SLC25A21: variants seen among roughly 807,000 people sequenced by gnomAD.
SLC25A21 encodes the protein mitochondrial 2-oxodicarboxylate carrier.
A neutral mutation model predicts 43.8 loss-of-function variants in SLC25A21; 47 were observed. That is an observed-to-expected ratio of 1.07 (90% CI 0.85 to 1.37). SLC25A21 has a LOEUF of 1.37. Ranked by LOEUF, SLC25A21 falls within the 40% of genes most tolerant of loss-of-function variation. SLC25A21 has a pLI of 0.00. For synonymous variants in SLC25A21, 131 were observed against 121.3 expected, an observed-to-expected ratio of 1.08 and a Z score of -0.52; for missense variants, 352 against 350.2, an observed-to-expected ratio of 1.00 and a Z score of -0.04.
intron 1 of SLC25A21, among the ~76,000 whole-genome samples, chr14:37,094,794 A>C (rs1962654478): frequency 6.6e-6 from 1 of 152,134 alleles, no homozygotes. Flanking sequence ...GGCTGAATAA[A>C]CTATGGTATA....
intron 2 of SLC25A21, among the ~76,000 whole-genome samples, chr14:36,858,697 C>T (rs911028046): frequency 6.6e-6 from 1 of 152,086 alleles, no homozygotes; most frequent in African/African-American, 2.4e-5. Context: ...CTGGAACACC[C>T]GCAAACAAGA....
intron 3 of SLC25A21, among the ~76,000 whole-genome samples, chr14:36,780,130 T>C (rs537691798): frequency 6.6e-6 from 1 of 152,096 alleles, no homozygotes; most frequent in East Asian, 1.9e-4. Context: ...TTTGTTGGCA[T>C]ATAATTGTTT....
chr14:36,807,088 AGG>A (rs1483379895), intron 3 of SLC25A21: 57 of 152,394 alleles, frequency 3.7e-4, no homozygotes, highest in African/African-American at 1.2e-3. Flanking sequence ...CTACCATAAA[AGG>A]AACTTGGGCA....
At chr14:36,709,767 T>G (rs1883752334) in intron 7 of SLC25A21, among the ~76,000 whole-genome samples, 1 of 152,036 alleles carries the variant, frequency 6.6e-6, no homozygotes, top group Non-Finnish European at 1.5e-5. Flanking sequence ...CAGGTACAAC[T>G]AACTTTACTG....
intron 1 of SLC25A21, among the ~76,000 whole-genome samples, chr14:36,897,332 G>A (rs573069375): frequency 3.9e-5 from 6 of 151,986 alleles, no homozygotes; most frequent in Admixed American, 1.3e-4. Context: ...TGATCGAATC[G>A]GCTACTGAGG....
intron 7 of SLC25A21, among the ~76,000 whole-genome samples, chr14:36,707,986 G>A (rs914490427): frequency 6.6e-6 from 1 of 152,184 alleles, no homozygotes; most frequent in African/African-American, 2.4e-5. Context: ...AATTAGCTGA[G>A]TGTGGTGGCG....
intron 7 of SLC25A21, among the ~76,000 whole-genome samples, chr14:36,696,205 T>C (rs1883017114): frequency 6.6e-6 from 1 of 152,240 alleles, no homozygotes; most frequent in Non-Finnish European, 1.5e-5. Flanking sequence ...TGTGATGGAT[T>C]ATGTTTATTG....
chr14:36,927,203 T>C (rs530957500), intron 1 of SLC25A21, among the ~76,000 whole-genome samples: 7 of 152,294 alleles, frequency 4.6e-5, no homozygotes, highest in Non-Finnish European at 7.4e-5. Context: ...ACCAAGCTCT[T>C]GTAAAATATG....
intron 1 of SLC25A21, among the ~76,000 whole-genome samples, chr14:37,132,266 A>G (rs34301509): frequency 0.54 from 81,729 of 151,962 alleles, 25,146 homozygotes; most frequent in Non-Finnish European, 0.68. Flanking sequence ...CGTTTCGCAC[A>G]TAGGAACTCT....
intron 1 of SLC25A21, among the ~76,000 whole-genome samples, chr14:37,122,795 C>T (rs984289251): frequency 4.6e-5 from 7 of 152,144 alleles, no homozygotes; most frequent in African/African-American, 7.2e-5. Flanking sequence ...GTTTTATTGA[C>T]GTTCTTGTCC....
chr14:37,057,133 T>G (rs985973047), intron 1 of SLC25A21, among the ~76,000 whole-genome samples: 2 of 152,238 alleles, frequency 1.3e-5, no homozygotes, highest in African/African-American at 4.8e-5. Context: ...CCTTTGAATT[T>G]AGGACTTTCA....
At chr14:36,972,418 T>A (rs915420425) in intron 1 of SLC25A21, among the ~76,000 whole-genome samples, 5 of 152,166 alleles carry the variant, frequency 3.3e-5, no homozygotes, top group Admixed American at 3.3e-4. Context: ...TAAGAATAAT[T>A]AAGGCCATGG....
intron 3 of SLC25A21, among the ~76,000 whole-genome samples, chr14:36,765,757 C>T (rs949183814): frequency 6.6e-6 from 1 of 152,124 alleles, no homozygotes; most frequent in Non-Finnish European, 1.5e-5. Context: ...GGATCAAAGC[C>T]GTTGAACTTT....
chr14:36,786,911 G>A (rs61996676), intron 3 of SLC25A21, among the ~76,000 whole-genome samples: 27,058 of 152,078 alleles, frequency 0.18, 2,788 homozygotes, highest in East Asian at 0.3. Flanking sequence ...TAGAGCTGAT[G>A]GAGGTGAGGC....
chr14:37,030,065 G>T (rs190021240), intron 1 of SLC25A21, among the ~76,000 whole-genome samples: 1 of 152,074 alleles, frequency 6.6e-6, no homozygotes, highest in South Asian at 2.1e-4. Flanking sequence ...GCACCTGGCC[G>T]AATAGCCTAC....
chr14:36,737,281 T>C (rs1265215969), intron 3 of SLC25A21, among the ~76,000 whole-genome samples: 1 of 152,122 alleles, frequency 6.6e-6, no homozygotes, highest in Non-Finnish European at 1.5e-5. Context: ...GGGTAAAATA[T>C]TAAAAAGAGG....
intron 4 of SLC25A21, among the ~76,000 whole-genome samples, chr14:36,729,980 C>T (rs1884756162): frequency 6.6e-6 from 1 of 152,208 alleles, no homozygotes; most frequent in African/African-American, 2.4e-5. Context: ...TTGTAAAAGA[C>T]ATCCACTTTT....
intron 1 of SLC25A21, among the ~76,000 whole-genome samples, chr14:37,108,740 C>A (rs61989534): frequency 0.012 from 1,301 of 110,052 alleles, 16 homozygotes; most frequent in African/African-American, 0.039. Context: ...TGTGTGTGTG[C>A]GTGTGTGTGT....
chr14:37,110,081 C>T (rs747608605), intron 1 of SLC25A21, among the ~76,000 whole-genome samples: 1 of 152,086 alleles, frequency 6.6e-6, no homozygotes, highest in Non-Finnish European at 1.5e-5. Flanking sequence ...CTGTGCTTTC[C>T]ATAAAGAACA....
Sources: gnomAD v4.1 joint callset for allele counts (sites outside exome capture counted in the v4.1 genomes callset) on GRCh38, gnomAD v4.1.1 for gene constraint, MANE v1.5 for transcripts, NCBI Gene and HGNC (gene_info 2026-07-23, HGNC 2026-07-21) for gene names.